The following MYO3B variants were observed in gnomAD, a reference collection of about 807,000 sequenced individuals.
MYO3B encodes the protein myosin IIIB.
In MYO3B, 156 loss-of-function variants were observed where a neutral mutation model predicts 174.6. The ratio of observed to expected loss-of-function variants is 0.89; its 90% CI spans 0.78 to 1.02. The LOEUF (loss-of-function observed/expected upper bound fraction) is 1.02, where lower values mean the gene tolerates loss of function less well. MYO3B is among the 50% of genes least tolerant of loss of function. The pLI, the probability that MYO3B is intolerant of heterozygous loss-of-function variation, is 0.00. For synonymous variants in MYO3B, 563 were observed against 569.1 expected (o/e 0.99, Z 0.15); for missense variants, 1,632 against 1,639.4 (o/e 1.00, Z 0.08).
At chr2:170,271,303 AC>A (rs2093423578) in intron 7 of MYO3B, among the ~76,000 whole-genome samples, 1 of 152,204 alleles carries the variant, frequency 6.6e-6, no homozygotes, top group Non-Finnish European at 1.5e-5. Flanking sequence ...TTTAAATAAT[AC>A]ACACATTTCC....
chr2:170,638,819 A>T (rs541225972), intron 32 of MYO3B, among the ~76,000 whole-genome samples: 4 of 152,304 alleles, frequency 2.6e-5, no homozygotes, highest in African/African-American at 9.6e-5. Context: ...CCCTCTCTTT[A>T]TCATTTTACA....
intron 25 of MYO3B, among the ~76,000 whole-genome samples, chr2:170,474,442 G>A (rs1252716253): frequency 5.3e-5 from 8 of 151,904 alleles, no homozygotes; most frequent in Admixed American, 2.0e-4. Flanking sequence ...AGGCTAAAAC[G>A]ATAGGCATCC....
chr2:170,534,100 T>C (rs1448049724), intron 30 of MYO3B, among the ~76,000 whole-genome samples: 3 of 152,242 alleles, frequency 2.0e-5, no homozygotes, highest in African/African-American at 4.8e-5. Context: ...TTCATTACAC[T>C]TCACAGATGT....
In MYO3B at chr2:170,387,201, C is replaced by G. The variant is rs1250584862; in HGVS notation, c.1470C>G (p.Ser490Arg). 1.2e-6 allele frequency: 2 copies of G among 1,613,988 alleles called. No individual in the cohort carries two copies. The highest frequency in any genetic ancestry group is 1.3e-5 in the African/African-American group (1 of 74,920). Residue 490 changes from serine to arginine, a missense_variant, in exon 14 of 35, where the codon AGC becomes AGG. Coordinates refer to ENST00000408978, the MANE Select transcript of MYO3B (RefSeq NM_138995.5). ...NSCTAINDNS[S>R]RFGKYLEMMF... ...GCACTGCCATCAATGACAACTCGAG[C>G]CGTTTTGGAAAATATCTGGAAATGA... is the stretch of plus-strand genomic sequence containing the variant.
intron 7 of MYO3B, among the ~76,000 whole-genome samples, chr2:170,256,300 C>T (rs762388254): frequency 6.6e-6 from 1 of 152,094 alleles, no homozygotes; most frequent in South Asian, 2.1e-4. Context: ...CTGTGAGATA[C>T]TATATAAGAT....
At chr2:170,547,416 G>A (rs895966496) in intron 32 of MYO3B, among the ~76,000 whole-genome samples, 1 of 152,098 alleles carries the variant, frequency 6.6e-6, no homozygotes, top group Non-Finnish European at 1.5e-5. Context: ...ATATACCCGG[G>A]AAGTGCATAA....
At chr2:170,414,592 A>G (rs1481195401) in intron 22 of MYO3B, among the ~76,000 whole-genome samples, 3 of 152,200 alleles carry the variant, frequency 2.0e-5, no homozygotes, top group South Asian at 2.1e-4. Context: ...TAAATTTTAA[A>G]TGCAGCTTGT....
At chr2:170,510,735 C>T (rs1317629940) in intron 28 of MYO3B, among the ~76,000 whole-genome samples, 1 of 151,834 alleles carries the variant, frequency 6.6e-6, no homozygotes, top group African/African-American at 2.4e-5. Flanking sequence ...CCCCCCTCAC[C>T]CTCAGCCCCT....
chr2:170,432,716 A>T (rs2094720701), intron 22 of MYO3B, among the ~76,000 whole-genome samples: 1 of 151,908 alleles, frequency 6.6e-6, no homozygotes, highest in Non-Finnish European at 1.5e-5. Context: ...AGTTGGGACT[A>T]CAGGCGCCTG....
intron 7 of MYO3B, among the ~76,000 whole-genome samples, chr2:170,237,740 C>T (rs974300985): frequency 3.3e-5 from 5 of 152,106 alleles, no homozygotes; most frequent in Non-Finnish European, 7.3e-5. Context: ...AGAGTGGATC[C>T]CAAGAATTGG....
At chr2:170,560,243 C>T (rs1484614229) in intron 32 of MYO3B, among the ~76,000 whole-genome samples, 1 of 152,220 alleles carries the variant, frequency 6.6e-6, no homozygotes, top group Non-Finnish European at 1.5e-5. Context: ...AAGAGTATAT[C>T]ACCTTGAATC....
chr2:170,461,858 G>A (rs1321571692), intron 23 of MYO3B, among the ~76,000 whole-genome samples: 2 of 151,794 alleles, frequency 1.3e-5, no homozygotes, highest in Non-Finnish European at 2.9e-5. Context: ...GGCCGGGGTA[G>A]AAGAAGAAAA....
chr2:170,623,342 C>CAT (rs1260842841), intron 32 of MYO3B, among the ~76,000 whole-genome samples: 1 of 152,176 alleles, frequency 6.6e-6, no homozygotes, highest in African/African-American at 2.4e-5. Flanking sequence ...AGCATTTTTT[C>CAT]ATATGTTTGT....
intron 23 of MYO3B, among the ~76,000 whole-genome samples, chr2:170,453,823 A>C (rs985992504): frequency 6.6e-6 from 1 of 152,212 alleles, no homozygotes; most frequent in Non-Finnish European, 1.5e-5. Flanking sequence ...TATTGACCTA[A>C]CAAGGCTCAA....
At chr2:170,601,602 G>A (rs1694513107) in intron 32 of MYO3B, 5 of 1,179,362 alleles carry the variant, frequency 4.2e-6, no homozygotes, top group Non-Finnish European at 5.0e-6. Flanking sequence ...AACTAGGCTA[G>A]AACCAACTTA....
chr2:170,567,900 T>G (rs1326185219), intron 32 of MYO3B, among the ~76,000 whole-genome samples: 2 of 152,348 alleles, frequency 1.3e-5, no homozygotes, highest in Middle Eastern at 6.8e-3. Flanking sequence ...ATCTAACAAC[T>G]TTTTAAAGAA....
chr2:170,533,689 C>T (rs539357532), intron 30 of MYO3B, among the ~76,000 whole-genome samples: 5 of 152,160 alleles, frequency 3.3e-5, no homozygotes, highest in African/African-American at 7.2e-5. Flanking sequence ...TCCATGTTTA[C>T]GGATTTGTCT....
chr2:170,320,872 G>A (rs1574780668), intron 7 of MYO3B, among the ~76,000 whole-genome samples: 1 of 151,996 alleles, frequency 6.6e-6, no homozygotes, highest in Admixed American at 6.6e-5. Context: ...AACAGGTCAG[G>A]TGAAAAAAAT....
At chr2:170,477,521 T>G (rs1174948909) in intron 25 of MYO3B, among the ~76,000 whole-genome samples, 1 of 152,056 alleles carries the variant, frequency 6.6e-6, no homozygotes, top group Admixed American at 6.6e-5. Flanking sequence ...CAGTGTTTCC[T>G]GAATGGAGGA....
Sources: allele counts gnomAD v4.1 joint callset (sites outside exome capture counted in the v4.1 genomes callset), GRCh38; gene constraint gnomAD v4.1.1; transcripts MANE v1.5; gene names NCBI Gene and HGNC (gene_info 2026-07-23, HGNC 2026-07-21).